Variants in LRRC8D observed in about 807,000 individuals in gnomAD.
LRRC8D encodes the protein volume-regulated anion channel subunit LRRC8D.
A neutral mutation model predicts 55.8 loss-of-function variants in LRRC8D; 20 were observed. The observed-to-expected ratio is 0.36, with a 90% CI of 0.25 to 0.52. The LOEUF (loss-of-function observed/expected upper bound fraction) is 0.52, where lower values mean the gene tolerates loss of function less well. Ranked by LOEUF, LRRC8D falls within the 20% of genes least tolerant of loss-of-function variation. The pLI, the probability that LRRC8D is intolerant of heterozygous loss-of-function variation, is 0.93. For synonymous variants in LRRC8D, 352 were observed against 377.0 expected, an observed-to-expected ratio of 0.93 and a Z score of 0.77; for missense variants, 651 against 1,030.8, an observed-to-expected ratio of 0.63 and a Z score of 5.05.
chr1:89,823,496 C>T (rs572208692), intron 1 of LRRC8D, among the ~76,000 whole-genome samples: 39 of 152,258 alleles, frequency 2.6e-4, no homozygotes, highest in African/African-American at 8.7e-4. Context: ...AAATTAGACT[C>T]GATTCTGTTC....
At chr1:89,903,546 G>T (rs973692489) in intron 2 of LRRC8D, among the ~76,000 whole-genome samples, 1 of 152,128 alleles carries the variant, frequency 6.6e-6, no homozygotes, top group African/African-American at 2.4e-5. Context: ...GAGAGAAATG[G>T]CAGGATTAGC....
At chr1:89,869,879 G>A (rs529000128) in intron 2 of LRRC8D, among the ~76,000 whole-genome samples, 13 of 152,194 alleles carry the variant, frequency 8.5e-5, no homozygotes, top group East Asian at 1.9e-4. Context: ...GGAGGCTGAG[G>A]CAGGCGGATC....
intron 2 of LRRC8D, among the ~76,000 whole-genome samples, chr1:89,880,848 A>G (rs1662264339): frequency 6.6e-6 from 1 of 152,180 alleles, no homozygotes; most frequent in African/African-American, 2.4e-5. Context: ...TAACATACGT[A>G]TGTCACTGTA....
At position 89,933,284 on chromosome 1, in the gene LRRC8D, T is replaced by C. The variant is rs751776152; in HGVS notation, c.216T>C (p.Asn72=). ...VNSKAHTPPG[N]AEVTTNIPKM... ...CAAAGGCACATACACCACCAGGAAA[T>C]GCCGAGGTCACCACCAACATCCCAA... The change falls in exon 3 of 3, where the codon AAT becomes AAC. Residue 72 remains asparagine, a synonymous_variant. Transcript: ENST00000337338. The surrounding 1 kb of genome is among the most constrained non-coding windows in gnomAD (Gnocchi z 7.0). The C allele has an allele frequency of 6.2e-7, 1 of 1,614,014 alleles. No homozygotes were observed. The highest frequency in any genetic ancestry group is 8.5e-7 in the Non-Finnish European group (1 of 1,180,036).
intron 2 of LRRC8D, among the ~76,000 whole-genome samples, chr1:89,874,597 G>T (rs891398030): frequency 3.3e-5 from 5 of 151,888 alleles, no homozygotes; most frequent in African/African-American, 1.2e-4. Context: ...GTAAGGATAG[G>T]GTCCACATGT....
chr1:89,851,483 A>G (rs1661416235), intron 2 of LRRC8D, among the ~76,000 whole-genome samples: 1 of 151,524 alleles, frequency 6.6e-6, no homozygotes, highest in African/African-American at 2.4e-5. Context: ...TCTGCAGAGT[A>G]CAATGTATTT....
chr1:89,894,725 C>T (rs904114916), intron 2 of LRRC8D, among the ~76,000 whole-genome samples: 3 of 152,164 alleles, frequency 2.0e-5, no homozygotes, highest in Non-Finnish European at 4.4e-5. Context: ...TGTATGCTTA[C>T]TATTATTGGA....
intron 2 of LRRC8D, among the ~76,000 whole-genome samples, chr1:89,913,068 C>A (rs1184329893): frequency 1.3e-5 from 2 of 152,228 alleles, no homozygotes; most frequent in Admixed American, 6.5e-5. Context: ...TAAGGTTGTC[C>A]TGCTGTCCCC....
At chr1:89,909,219 C>T (rs1435897928) in intron 2 of LRRC8D, among the ~76,000 whole-genome samples, 1 of 152,102 alleles carries the variant, frequency 6.6e-6, no homozygotes, top group Non-Finnish European at 1.5e-5. Context: ...TAATTTATAT[C>T]TGTGGTATTA....
At position 89,935,639 on chromosome 1, in the gene LRRC8D, G is replaced by T; in HGVS notation, c.2571G>T (p.Gly857=). ...NQDINIPFAN[G]I ...ACATAAATATTCCCTTTGCAAATGG[G>T]ATTTAAACTAAGATAATATATGCAC... is the stretch of plus-strand genomic sequence containing the variant. Residue 857 remains glycine (G), a synonymous_variant, in exon 3 of 3, where the codon GGG becomes GGT. Coordinates refer to ENST00000337338, the MANE Select transcript of LRRC8D (RefSeq NM_001134479.2). 1 of 1,613,178 alleles carries T rather than the reference G, an allele frequency of 6.2e-7. No individual in the cohort carries two copies. The highest frequency in any genetic ancestry group is 8.5e-7 in the Non-Finnish European group (1 of 1,179,418).
rs142911385 is a variant in LRRC8D, at chr1:89,933,401, C to G, written c.333C>G (p.Leu111=). 46 of 1,614,126 alleles carry G rather than the reference C, an allele frequency of 2.8e-5. No homozygotes were observed. The highest frequency in any genetic ancestry group is 3.4e-5 in the Non-Finnish European group (40 of 1,180,036). The change falls in exon 3 of 3, where the codon CTC becomes CTG. Residue 111 remains leucine (L), a synonymous_variant. Coordinates refer to ENST00000337338, the MANE Select transcript of LRRC8D (RefSeq NM_001134479.2). The surrounding 1 kb of genome is among the most constrained non-coding windows in gnomAD (Gnocchi z 7.0). ...GTSAVTPDIP[L]RATYPRTDFA... ...CTGCTGTGACACCTGACATACCTCT[C>G]AGAGCCACATATCCTCGCACAGATT...
Position 89,935,402 on chromosome 1 carries a change from G to A in LRRC8D, c.2334G>A (p.Arg778=). 1 of 1,614,236 alleles carries A rather than the reference G, an allele frequency of 6.2e-7. No individual in the cohort carries two copies. Among genetic ancestry groups the A allele is most frequent in the Non-Finnish European group, 8.5e-7 (1 of 1,180,046 alleles). ...AATTGTTTAAATGCATAAAGTTGAGGACTTTGAATCTGGGACAGAACTGCA... is the reference window on the plus strand; with the variant it reads ...AATTGTTTAAATGCATAAAGTTGAGAACTTTGAATCTGGGACAGAACTGCA... ...PKQLFKCIKL[R]TLNLGQNCIT... Residue 778 remains arginine (R), a synonymous_variant, in exon 3 of 3, where the codon AGG becomes AGA. Coordinates refer to ENST00000337338, the MANE Select transcript of LRRC8D (RefSeq NM_001134479.2).
chr1:89,872,744 C>T (rs1662052700), intron 2 of LRRC8D, among the ~76,000 whole-genome samples: 1 of 152,096 alleles, frequency 6.6e-6, no homozygotes, highest in Non-Finnish European at 1.5e-5. Flanking sequence ...CCAACTTTGC[C>T]CCTCCCCTCT....
At chr1:89,864,843 C>G (rs1193903507) in intron 2 of LRRC8D, among the ~76,000 whole-genome samples, 3 of 152,188 alleles carry the variant, frequency 2.0e-5, no homozygotes, top group Admixed American at 6.5e-5. Context: ...TCTTCCTGTA[C>G]TTCTTATTGG....
At chr1:89,851,020 G>C (rs892326139) in intron 2 of LRRC8D, among the ~76,000 whole-genome samples, 1 of 150,548 alleles carries the variant, frequency 6.6e-6, no homozygotes, top group East Asian at 1.9e-4. Context: ...TCCTTACTTG[G>C]TAACATAATT....
chr1:89,881,167 A>G (rs1352922760), intron 2 of LRRC8D, among the ~76,000 whole-genome samples: 1 of 152,124 alleles, frequency 6.6e-6, no homozygotes, highest in Non-Finnish European at 1.5e-5. Flanking sequence ...TCCCAGTTCA[A>G]TGATTTCTCC....
intron 1 of LRRC8D, among the ~76,000 whole-genome samples, chr1:89,828,940 C>T (rs1570800083): frequency 6.6e-6 from 1 of 152,136 alleles, no homozygotes; most frequent in African/African-American, 2.4e-5. Context: ...ACACCTTTTT[C>T]TCTGATGGTC....
chr1:89,931,771 ATAAAT>A (rs746069521), intron 2 of LRRC8D, among the ~76,000 whole-genome samples: 115 of 152,136 alleles, frequency 7.6e-4, no homozygotes, highest in Non-Finnish European at 1.5e-3. Flanking sequence ...AAATAAATAA[ATAAAT>A]AAAAATATTA....
At chr1:89,932,948 GGATAAAAA>G in intron 2 of LRRC8D, 111 bp from the exon 3 acceptor site, 1 of 770,226 alleles carries the variant, frequency 1.3e-6, no homozygotes, top group Middle Eastern at 3.8e-4. Context: ...CATTTATATT[GGATAAAAA>G]GATAGGACCT....
Sources: gnomAD v4.1 joint callset for allele counts (sites outside exome capture counted in the v4.1 genomes callset) on GRCh38, gnomAD v4.1.1 for gene constraint, Gnocchi (gnomAD v3.1) non-coding constraint, MANE v1.5 for transcripts, NCBI Gene and HGNC (gene_info 2026-07-23, HGNC 2026-07-21) for gene names.